FANCB: variants seen among roughly 807,000 people sequenced by gnomAD.
FANCB encodes FA complementation group B.
In FANCB, 5 loss-of-function variants were observed where a neutral mutation model predicts 38.9. The ratio of observed to expected loss-of-function variants is 0.13; its 90% CI spans 0.07 to 0.27. The LOEUF is 0.27. Among genes scored for constraint, FANCB ranks in the 10% least tolerant of loss-of-function variants. FANCB has a pLI of 1.00. For missense variants in FANCB, 573 were observed against 602.7 expected, an observed-to-expected ratio of 0.95 and a Z score of 0.52; for synonymous variants, 236 against 215.4, an observed-to-expected ratio of 1.10 and a Z score of -0.84.
chrX:14,809,509 C>T, the FANCB span, among the ~76,000 whole-genome samples: 11 of 111,595 alleles, frequency 9.9e-5, no homozygotes, highest in East Asian at 1.7e-3. Context: ...GCTTAAAAAA[C>T]GGCGCACCAG....
At chrX:14,755,451 T>C in the FANCB span, among the ~76,000 whole-genome samples, 1 of 111,836 alleles carries the variant, frequency 8.9e-6, no homozygotes, top group Admixed American at 9.5e-5. Context: ...TTCAGTAAAG[T>C]TGCAGGATAT....
intron 3 of FANCB, among the ~76,000 whole-genome samples, chrX:14,861,796 T>TTCTA (rs760718422): frequency 1.8e-5 from 2 of 112,621 alleles, no homozygotes; most frequent in South Asian, 7.2e-4. Context: ...GCATAATTAT[T>TTCTA]TCTACTCCCA....
the FANCB span, chrX:14,730,529 C>T: frequency 1.2e-6 from 1 of 822,584 alleles, no homozygotes; most frequent in East Asian, 4.9e-5. Flanking sequence ...CAGTGTTGTG[C>T]TTGTAAATAC....
chrX:14,823,329 G>A, the FANCB span, among the ~76,000 whole-genome samples: 10 of 110,741 alleles, frequency 9.0e-5, no homozygotes, highest in Admixed American at 7.6e-4. Flanking sequence ...TGATCCGCCC[G>A]CCCCGGCCTC....
At chrX:14,730,907 C>T in the FANCB span, 3 of 60,274 alleles carry the variant, frequency 5.0e-5, no homozygotes, top group East Asian at 3.7e-4. Context: ...CACACACACA[C>T]ACACACACAC....
the FANCB span, among the ~76,000 whole-genome samples, chrX:14,800,007 T>C: frequency 2.7e-5 from 3 of 111,968 alleles, no homozygotes; most frequent in South Asian, 3.7e-4. Flanking sequence ...AGAATTGTTA[T>C]GTAAAAAGGA....
the FANCB span, among the ~76,000 whole-genome samples, chrX:14,745,399 T>G: frequency 7.2e-5 from 8 of 111,694 alleles, no homozygotes; most frequent in African/African-American, 2.6e-4. Context: ...TTATTTCTTA[T>G]TATTTAAGCT....
the FANCB span, among the ~76,000 whole-genome samples, chrX:14,768,484 T>C: frequency 1.8e-5 from 2 of 111,811 alleles, no homozygotes; most frequent in East Asian, 5.6e-4. Context: ...TGTATAAGAC[T>C]GTTGGCAATT....
At chrX:14,729,359 T>C in the FANCB span, among the ~76,000 whole-genome samples, 1 of 111,135 alleles carries the variant, frequency 9.0e-6, no homozygotes, top group African/African-American at 3.3e-5. Context: ...CCCCACCTTT[T>C]CAACCCCACC....
the FANCB span, among the ~76,000 whole-genome samples, chrX:14,796,108 C>T: frequency 9.0e-6 from 1 of 111,458 alleles, no homozygotes; most frequent in Non-Finnish European, 1.9e-5. Context: ...TAACCTATGG[C>T]TGTGTAACCA....
the FANCB span, among the ~76,000 whole-genome samples, chrX:14,738,416 T>C: frequency 8.9e-6 from 1 of 112,024 alleles, no homozygotes; most frequent in Middle Eastern, 4.2e-3. Flanking sequence ...TTGGAAGCTT[T>C]TGGGAGAAAG....
chrX:14,749,908 C>T, the FANCB span, among the ~76,000 whole-genome samples: 2 of 112,443 alleles, frequency 1.8e-5, no homozygotes, highest in Non-Finnish European at 3.8e-5. Flanking sequence ...TGTACAAATG[C>T]TTGGCTACAC....
At chrX:14,810,291 C>T in the FANCB span, among the ~76,000 whole-genome samples, 1 of 112,359 alleles carries the variant, frequency 8.9e-6, no homozygotes, top group Non-Finnish European at 1.9e-5. Flanking sequence ...AGTTCCTCAC[C>T]AGCAACGGAA....
At chrX:14,796,555 T>TTA in the FANCB span, among the ~76,000 whole-genome samples, 46 of 97,808 alleles carry the variant, frequency 4.7e-4, 1 homozygote, top group African/African-American at 1.6e-3. Context: ...ATATAATAAA[T>TTA]TATATGTTAT....
the FANCB span, among the ~76,000 whole-genome samples, chrX:14,745,147 A>C: frequency 9.0e-6 from 1 of 111,644 alleles, no homozygotes. Flanking sequence ...TTTTTTAAAA[A>C]TTCCAGATAT....
chrX:14,695,137 T>C, the FANCB span, among the ~76,000 whole-genome samples: 2 of 105,864 alleles, frequency 1.9e-5, no homozygotes. Context: ...CTAAGTGAGA[T>C]TACACATTGA....
downstream of FANCB, among the ~76,000 whole-genome samples, chrX:14,832,771 C>T (rs1420314387): frequency 8.9e-6 from 1 of 111,913 alleles, no homozygotes; most frequent in Non-Finnish European, 1.9e-5. Context: ...TGTTTCAGCC[C>T]TTCCATAACA....
At chrX:14,867,229 C>T (rs953689043) in intron 2 of FANCB, among the ~76,000 whole-genome samples, 5 of 111,351 alleles carry the variant, frequency 4.5e-5, no homozygotes, top group Admixed American at 1.9e-4. Context: ...ATAGAAAAAA[C>T]AATCCTGAAA....
downstream of FANCB, chrX:14,843,391 T>C: frequency 2.4e-6 from 1 of 411,189 alleles, no homozygotes; most frequent in Non-Finnish European, 4.2e-6. Context: ...GAGAGGGAGA[T>C]AAAATGGCCC....
Sources: allele counts gnomAD v4.1 joint callset (sites outside exome capture counted in the v4.1 genomes callset), GRCh38; gene constraint gnomAD v4.1.1; transcripts MANE v1.5; gene names NCBI Gene and HGNC (gene_info 2026-07-23, HGNC 2026-07-21).